NFATC2: variants seen among roughly 807,000 people sequenced by gnomAD.
NFATC2 encodes the protein nuclear factor of activated T cells 2, also known as nuclear factor of activated T-cells, cytoplasmic 2.
In NFATC2, 22 loss-of-function variants were observed where a neutral mutation model predicts 87.3. That is an observed-to-expected ratio of 0.25 (90% CI 0.18 to 0.36). NFATC2 has a LOEUF of 0.36. NFATC2 is among the 10% of genes least tolerant of loss of function. The probability of loss-of-function intolerance (pLI) is 1.00; values close to 1 mark genes in which losing one functional copy is unlikely to be tolerated. For missense variants in NFATC2, 1,149 were observed against 1,259.1 expected, an observed-to-expected ratio of 0.91 and a Z score of 1.32; for synonymous variants, 565 against 542.2, an observed-to-expected ratio of 1.04 and a Z score of -0.58.
At chr20:51,517,083 T>A (rs2076363327) in intron 2 of NFATC2, 128 bp from the exon 3 acceptor site, 1 of 959,624 alleles carries the variant, frequency 1.0e-6, no homozygotes, top group Admixed American at 2.7e-5. Context: ...TGAGGATACG[T>A]TCCGGGAAAT....
At chr20:51,465,748 G>T (rs1473825343) in intron 5 of NFATC2, among the ~76,000 whole-genome samples, 2 of 151,842 alleles carry the variant, frequency 1.3e-5, no homozygotes, top group South Asian at 4.2e-4. Flanking sequence ...ACCAACCCGT[G>T]GTCCTTGTTA....
At chr20:51,515,930 C>G (rs547992102) in intron 3 of NFATC2, among the ~76,000 whole-genome samples, 2 of 152,044 alleles carry the variant, frequency 1.3e-5, no homozygotes, top group Admixed American at 6.5e-5. Context: ...GATTAAGAAC[C>G]AAGTTTTATC....
rs541387157 is a variant in NFATC2 at position 51,399,056 on chromosome 20, AAATT to A, written c.2723-330_2723-327del. On this transcript the variant is annotated intron_variant, in intron 9 of 10. Transcript: ENST00000371564. ...CAAATCATGGCCAACTACAAAGAGA[AAATT>A]AAGCTGGTTTCTGCTGCAGTCAAAG... 268 of 235,758 alleles carry A rather than the reference AAATT, an allele frequency of 1.1e-3. 1 individual carries two copies. In the Middle Eastern group the frequency reaches 0.012, roughly 11 times the overall value. 14.6% of individuals were successfully genotyped at this position (235,758 alleles called of 1,614,324 possible).
chr20:51,396,082 ATATATATATAT>A (rs1987081625), intron 10 of NFATC2, among the ~76,000 whole-genome samples: 4 of 87,032 alleles, frequency 4.6e-5, no homozygotes, highest in African/African-American at 9.7e-5. Context: ...ATATATATAT[ATATATATATAT>A]AAGCTAATGG....
intron 3 of NFATC2, among the ~76,000 whole-genome samples, chr20:51,510,289 T>C (rs905470470): frequency 3.3e-5 from 5 of 152,226 alleles, no homozygotes; most frequent in African/African-American, 1.2e-4. Context: ...AAGGATTAAA[T>C]GACAATGGCG....
rs144480279 is a variant in NFATC2 at position 51,491,815 on chromosome 20, C to T, written c.1333-16155G>A. Among the ~76,000 whole-genome samples the T allele has an allele frequency of 1.3e-3, 193 of 151,476 alleles. 1 individual carries two copies. Among genetic ancestry groups the T allele is most frequent in the Non-Finnish European group, 2.4e-3 (165 of 67,842 alleles). On this transcript the variant is annotated intron_variant, in intron 3 of 10. Transcript: ENST00000371564. The stretch of plus-strand genomic sequence containing the variant: ...TCTGCCCATCTCTTACTCTCTTCTC[C>T]CATTGATTTTCACATCTGCTCGTTG...
At chr20:51,552,302 A>G (rs1049704604) in intron 1 of NFATC2, among the ~76,000 whole-genome samples, 2 of 151,550 alleles carry the variant, frequency 1.3e-5, no homozygotes, top group Non-Finnish European at 2.9e-5. Flanking sequence ...TCATATATGT[A>G]TGTGTGTCTG....
chr20:51,477,466 C>T (rs1172713975), intron 3 of NFATC2, among the ~76,000 whole-genome samples: 1 of 143,320 alleles, frequency 7.0e-6, no homozygotes, highest in Non-Finnish European at 1.5e-5. Flanking sequence ...AGGATAGATT[C>T]CTAGAAACCT....
chr20:51,439,217 C>T (rs982458411), intron 6 of NFATC2, among the ~76,000 whole-genome samples: 27 of 152,314 alleles, frequency 1.8e-4, no homozygotes, highest in African/African-American at 5.8e-4. Context: ...GTCTTATGAG[C>T]GCTCACTACA....
At chr20:51,478,388 T>C (rs960891522) in intron 3 of NFATC2, among the ~76,000 whole-genome samples, 1 of 152,126 alleles carries the variant, frequency 6.6e-6, no homozygotes, top group Admixed American at 6.5e-5. Context: ...GGATGGAGAG[T>C]GAGCCCTGAT....
intron 10 of NFATC2, among the ~76,000 whole-genome samples, chr20:51,393,700 G>A (rs1448319390): frequency 6.6e-6 from 1 of 152,208 alleles, no homozygotes; most frequent in East Asian, 1.9e-4. Context: ...GGCAGGTGGG[G>A]TCGGGGCAGC....
intron 10 of NFATC2, among the ~76,000 whole-genome samples, chr20:51,394,412 C>G (rs1270147175): frequency 6.6e-6 from 1 of 151,692 alleles, no homozygotes. Flanking sequence ...CTCCTCTTGT[C>G]TCACCTTCCT....
intron 3 of NFATC2, among the ~76,000 whole-genome samples, chr20:51,514,034 TACCTGC>T (rs1444517480): frequency 1.3e-5 from 2 of 152,258 alleles, no homozygotes; most frequent in Non-Finnish European, 1.5e-5. Flanking sequence ...CTTGACCTGT[TACCTGC>T]ATCATAAGGC....
At chr20:51,449,798 C>T (rs1441074953) in intron 6 of NFATC2, among the ~76,000 whole-genome samples, 1 of 152,200 alleles carries the variant, frequency 6.6e-6, no homozygotes, top group South Asian at 2.1e-4. Flanking sequence ...ATTGAGAAAA[C>T]AGTAGTCTAT....
At position 51,529,091 on chromosome 20, in the gene NFATC2, G is replaced by A. The variant is rs559803354; in HGVS notation, c.131-4981C>T. Among the ~76,000 whole-genome samples the A allele has an allele frequency of 1.8e-4, 28 of 152,250 alleles. No individual in the cohort carries two copies. In the South Asian group the frequency reaches 3.5e-3, roughly 19 times the overall value. On this transcript the variant is annotated intron_variant, in intron 1 of 10. Transcript: ENST00000371564. Reference sequence around the variant, plus strand: ...AAAGAGGAATGTCAAACCCATGGCCGACAACATTCTGAGAATTCACTGCCC... The same window carrying A: ...AAAGAGGAATGTCAAACCCATGGCCAACAACATTCTGAGAATTCACTGCCC...
intron 3 of NFATC2, among the ~76,000 whole-genome samples, chr20:51,486,279 C>T (rs193248915): frequency 5.2e-4 from 79 of 152,284 alleles, no homozygotes; most frequent in Non-Finnish European, 8.4e-4. Context: ...ATCAGACCCC[C>T]GCCCATATCA....
chr20:51,450,677 C>T (rs1985655674), intron 6 of NFATC2, among the ~76,000 whole-genome samples: 1 of 152,322 alleles, frequency 6.6e-6, no homozygotes, highest in African/African-American at 2.4e-5. Context: ...GACGAGTCCC[C>T]TGGATTCTCC....
rs188082770 is a variant in NFATC2 at position 51,504,731 on chromosome 20, C to T, written c.1332+12053G>A. ...CCTGTGTAACCTTAGACAAGTTGCACAGCCTCTCTGTGTCTCAAGTACTGC... is the reference window on the plus strand; with the variant it reads ...CCTGTGTAACCTTAGACAAGTTGCATAGCCTCTCTGTGTCTCAAGTACTGC... On this transcript the variant is annotated intron_variant, in intron 3 of 10. Coordinates refer to ENST00000371564, the MANE Select transcript of NFATC2 (RefSeq NM_012340.5). 3.6e-3 allele frequency among the ~76,000 whole-genome samples: 544 copies of T among 152,296 alleles called. 2 individuals are homozygous for T. The highest frequency in any genetic ancestry group is 0.012 in the African/African-American group (515 of 41,564).
At chr20:51,499,164 T>G in intron 3 of NFATC2, among the ~76,000 whole-genome samples, 1 of 152,014 alleles carries the variant, frequency 6.6e-6, no homozygotes, top group East Asian at 1.9e-4. Context: ...ATGGGGGTGG[T>G]GTAGACCAAG....
Sources: gnomAD v4.1 joint callset for allele counts (sites outside exome capture counted in the v4.1 genomes callset) on GRCh38, gnomAD v4.1.1 for gene constraint, MANE v1.5 for transcripts, NCBI Gene and HGNC (gene_info 2026-07-23, HGNC 2026-07-21) for gene names.